Variants in SCUBE1 observed in about 807,000 individuals in gnomAD.
SCUBE1 encodes signal peptide, CUB domain and EGF like domain containing 1.
Under a neutral mutation model 124.4 loss-of-function variants are expected in SCUBE1, and 59 were observed. The observed-to-expected ratio is 0.47, with a 90% CI of 0.38 to 0.59. The LOEUF (loss-of-function observed/expected upper bound fraction) is 0.59, where lower values mean the gene tolerates loss of function less well. Among genes scored for constraint, SCUBE1 ranks in the 20% least tolerant of loss-of-function variants. SCUBE1 has a pLI of 0.00. For synonymous variants in SCUBE1, 545 were observed against 550.9 expected (o/e 0.99, Z 0.15); for missense variants, 1,150 against 1,371.2 (o/e 0.84, Z 2.55).
At chr22:43,342,385 G>C (rs1282291665) in intron 1 of SCUBE1, among the ~76,000 whole-genome samples, 1 of 151,992 alleles carries the variant, frequency 6.6e-6, no homozygotes, top group East Asian at 2.0e-4. Context: ...TCTGTCCTCC[G>C]GATCCTCTGC....
intron 4 of SCUBE1, among the ~76,000 whole-genome samples, chr22:43,275,088 T>C (rs1045271868): frequency 2.0e-5 from 3 of 152,118 alleles, no homozygotes; most frequent in Admixed American, 6.5e-5. Flanking sequence ...CTCTGTGATG[T>C]GGAGGCGAGG....
At chr22:43,253,038 T>C (rs1486409625) in intron 6 of SCUBE1, among the ~76,000 whole-genome samples, 2 of 148,408 alleles carry the variant, frequency 1.3e-5, no homozygotes, top group African/African-American at 5.2e-5. Context: ...GTACCTTGCC[T>C]CTATTAATAC....
rs1434054709 is a variant in SCUBE1 at position 43,202,636 on chromosome 22, TGAA to T, written c.*1358_*1360del. ...CTTGCTTCTCTCTCCTGCTGCCTTG[TGAA>T]GAAGGCGCTTGCTTCCCCTTCACCC... On this transcript the variant is annotated 3_prime_UTR_variant, in exon 22 of 22. Coordinates refer to ENST00000360835, the MANE Select transcript of SCUBE1 (RefSeq NM_173050.5). The T allele has an allele frequency of 3.9e-5, 6 of 152,294 alleles. No individual in the cohort carries two copies. The highest frequency in any genetic ancestry group is 1.4e-4 in the African/African-American group (6 of 41,448). 9.4% of individuals were successfully genotyped at this position (152,294 alleles called of 1,614,324 possible). A position where few individuals can be genotyped will look rare whatever the true frequency, so the allele number is the denominator to read the frequency against.
Position 43,201,809 on chromosome 22 carries a change from G to A in SCUBE1, c.*2188C>T, listed in dbSNP as rs138981. The A allele has an allele frequency of 0.18, 26,694 of 152,162 alleles. 2,798 individuals are homozygous for A. The highest frequency in any genetic ancestry group is 0.28 in the African/African-American group (11,646 of 41,470). The allele number at this position is 152,162 out of a possible 1,614,324, so 9.4% of individuals were successfully genotyped here. ...GTATCCTCTGGGTTCTGATTCTCTG[G>A]AGAACACTCGTGAAGAGGCGACACC... On this transcript the variant is annotated 3_prime_UTR_variant, in exon 22 of 22. Coordinates refer to ENST00000360835, the MANE Select transcript of SCUBE1 (RefSeq NM_173050.5).
At chr22:43,217,767 C>T (rs12053783) in intron 15 of SCUBE1, among the ~76,000 whole-genome samples, 4 of 151,758 alleles carry the variant, frequency 2.6e-5, no homozygotes, top group Non-Finnish European at 4.4e-5. Context: ...AGCGCACACC[C>T]GCCCGCTGGG....
In SCUBE1 at chr22:43,255,477, A is replaced by G. The variant is rs1601833131; in HGVS notation, c.727+2742T>C. 9 of 1,549,532 alleles carry G rather than the reference A, an allele frequency of 5.8e-6. No homozygotes were observed. In the African/African-American group the frequency reaches 8.2e-5, roughly 14 times the overall value. ...GCAAGTACGACAAAGGAAGTGGAAG[A>G]AAAGTGTTACCCATGAGTAGCCGCC... On this transcript the variant is annotated intron_variant, in intron 6 of 21. Coordinates refer to ENST00000360835, the MANE Select transcript of SCUBE1 (RefSeq NM_173050.5). The surrounding 1 kb of genome is among the most constrained non-coding windows in gnomAD (Gnocchi z 4.7).
intron 6 of SCUBE1, among the ~76,000 whole-genome samples, chr22:43,240,506 C>T (rs1922961412): frequency 6.6e-6 from 1 of 152,224 alleles, no homozygotes; most frequent in Non-Finnish European, 1.5e-5. Flanking sequence ...TGGCACTTGG[C>T]CGGCTTATGC....
chr22:43,342,447 C>T lies in SCUBE1; in HGVS notation c.88+727G>A, dbSNP rs368996430. Among the ~76,000 whole-genome samples, 145 of 152,180 alleles carry T rather than the reference C, an allele frequency of 9.5e-4. 1 individual carries two copies. The East Asian group carries it at 0.026, about 27-fold the overall frequency. Reference sequence around the variant, plus strand: ...GTCCTGTCAGACGGTCCCGGTCCCTCGTCTGCGGCTTTCCAGGTATCTCTG... The same window carrying T: ...GTCCTGTCAGACGGTCCCGGTCCCTTGTCTGCGGCTTTCCAGGTATCTCTG... On this transcript the variant is annotated intron_variant, in intron 1 of 21. Coordinates refer to ENST00000360835, the MANE Select transcript of SCUBE1 (RefSeq NM_173050.5).
chr22:43,220,684 C>G, intron 13 of SCUBE1, 97 bp from the exon 14 acceptor site: 3 of 1,470,010 alleles, frequency 2.0e-6, no homozygotes, highest in Non-Finnish European at 2.8e-6. Context: ...CAAGGACTTC[C>G]TGGTCCGTGG....
intron 4 of SCUBE1, among the ~76,000 whole-genome samples, chr22:43,277,935 T>G (rs1924598943): frequency 2.0e-5 from 3 of 152,244 alleles, no homozygotes; most frequent in Non-Finnish European, 4.4e-5. Context: ...GTTGCAGCTC[T>G]CCCTGCCCTG....
chr22:43,214,142 G>C lies in SCUBE1; in HGVS notation c.2001C>G (p.Pro667=). ...MEGQLSCTPC[P]SSDGLGLPGA... ...CAGGCAGACCAAGCCCGTCGCTGCT[G>C]GGGCACGGTGTGCAACTGAGCTGGC... The change falls in exon 16 of 22, where the codon CCC becomes CCG. Residue 667 remains proline (P), a synonymous_variant. Coordinates refer to ENST00000360835, the MANE Select transcript of SCUBE1 (RefSeq NM_173050.5). 2 of 1,611,776 alleles carry C rather than the reference G, an allele frequency of 1.2e-6. No homozygotes were observed. The highest frequency in any genetic ancestry group is 1.7e-6 in the Non-Finnish European group (2 of 1,179,732).
chr22:43,248,460 A>C (rs184072836), intron 6 of SCUBE1, among the ~76,000 whole-genome samples: 1 of 152,206 alleles, frequency 6.6e-6, no homozygotes, highest in East Asian at 1.9e-4. Flanking sequence ...GCCATCACCT[A>C]CTTCCCCCTA....
Position 43,211,633 on chromosome 22 carries a change from C to T in SCUBE1, c.2222-550G>A, listed in dbSNP as rs534253760. Among the ~76,000 whole-genome samples, 10 of 152,136 alleles carry T rather than the reference C, an allele frequency of 6.6e-5. No homozygotes were observed. On this transcript the variant is annotated intron_variant, in intron 17 of 21. Transcript: ENST00000360835. The surrounding 1 kb of genome is among the most constrained non-coding windows in gnomAD (Gnocchi z 4.5). ...CTGGGTTCAAGCGATCCTCCCCTCCCAGTCTCCCGAGTAGCTGGGATTACA... is the reference window on the plus strand; with the variant it reads ...CTGGGTTCAAGCGATCCTCCCCTCCTAGTCTCCCGAGTAGCTGGGATTACA...
intron 4 of SCUBE1, among the ~76,000 whole-genome samples, chr22:43,285,903 A>G (rs77561264): frequency 0.018 from 2,734 of 152,364 alleles, 42 homozygotes; most frequent in Non-Finnish European, 0.028. Context: ...CCTTGTGCAC[A>G]GATGAACCTG....
chr22:43,274,941 C>T (rs1045302963), intron 4 of SCUBE1, among the ~76,000 whole-genome samples: 4 of 152,194 alleles, frequency 2.6e-5, no homozygotes, highest in Admixed American at 6.5e-5. Flanking sequence ...TTTGGATCAT[C>T]GGCAGGTACA....
chr22:43,218,202 A>T, intron 15 of SCUBE1, 53 bp downstream of exon 15: 1 of 1,567,712 alleles, frequency 6.4e-7, no homozygotes, highest in East Asian at 2.2e-5. Flanking sequence ...ACCCCGGCTC[A>T]TGTGCAAGGA....
intron 4 of SCUBE1, among the ~76,000 whole-genome samples, chr22:43,284,635 G>A (rs545586658): frequency 1.2e-3 from 187 of 152,346 alleles, no homozygotes; most frequent in African/African-American, 4.4e-3. Context: ...AGTGCCTCAA[G>A]TTTCTTGATC....
At chr22:43,245,301 G>A (rs967472676) in intron 6 of SCUBE1, among the ~76,000 whole-genome samples, 3 of 152,226 alleles carry the variant, frequency 2.0e-5, no homozygotes, top group Middle Eastern at 3.2e-3. Flanking sequence ...GCAGAGGGCC[G>A]CGCCTGGTCC....
chr22:43,241,858 C>T (rs989823394), intron 6 of SCUBE1, among the ~76,000 whole-genome samples: 2 of 152,220 alleles, frequency 1.3e-5, no homozygotes, highest in African/African-American at 2.4e-5. Context: ...CAGCAGTCCC[C>T]GGGACGCTCT....
Sources: allele counts gnomAD v4.1 joint callset (sites outside exome capture counted in the v4.1 genomes callset), GRCh38; gene constraint gnomAD v4.1.1; non-coding constraint Gnocchi (gnomAD v3.1); transcripts MANE v1.5; gene names NCBI Gene and HGNC (gene_info 2026-07-23, HGNC 2026-07-21).